Variants in NFIC observed in about 807,000 individuals in gnomAD.
NFIC encodes nuclear factor I C, also known as nuclear factor 1 C-type.
A neutral mutation model predicts 54.4 loss-of-function variants in NFIC; 12 were observed. The ratio of observed to expected loss-of-function variants is 0.22; its 90% confidence interval spans 0.14 to 0.36. NFIC has a LOEUF of 0.36. Among genes scored for constraint, NFIC ranks in the 10% least tolerant of loss-of-function variants. The probability of loss-of-function intolerance (pLI) is 1.00; values close to 1 mark genes in which losing one functional copy is unlikely to be tolerated. For missense variants in NFIC, 575 were observed against 718.2 expected (o/e 0.80, Z 2.28); for synonymous variants, 322 against 319.2 (o/e 1.01, Z -0.09).
rs180737246 is a variant in NFIC at position 3,417,245 on chromosome 19, C to T, written c.563-7861C>T. On this transcript the variant is annotated intron_variant, in intron 2 of 10. Transcript: ENST00000443272. Reference sequence around the variant, plus strand: ...TCACTTGAGCCCAGGAGTTAGAGACCGGCCTGGGCAATATAGTGAGACCCC... The same window carrying T: ...TCACTTGAGCCCAGGAGTTAGAGACTGGCCTGGGCAATATAGTGAGACCCC... Among the ~76,000 whole-genome samples, 274 of 152,182 alleles carry T rather than the reference C, an allele frequency of 1.8e-3. 2 individuals are homozygous for T. Among genetic ancestry groups the T allele is most frequent in the African/African-American group, 6.3e-3 (260 of 41,550 alleles).
chr19:3,437,003 G>A (rs867621964), intron 6 of NFIC, among the ~76,000 whole-genome samples: 3 of 152,110 alleles, frequency 2.0e-5, no homozygotes, highest in Non-Finnish European at 2.9e-5. Context: ...TAGGATGTGC[G>A]TGAAGCAACC....
rs1306168739 is a variant in NFIC at position 3,425,102 on chromosome 19, G to C, written c.563-4G>C. 2 of 1,613,308 alleles carry C rather than the reference G, an allele frequency of 1.2e-6. No individual in the cohort carries two copies. The highest frequency in any genetic ancestry group is 3.3e-5 in the Admixed American group (2 of 60,000). ...CCACCAGTGTTTCTTCCCTCTCTTT[G>C]CAGATGCAGAGCAAAGCGGCAGTCC... On this transcript the variant is annotated splice_region_variant and splice_polypyrimidine_tract_variant and intron_variant, in intron 2 of 10. Transcript: ENST00000443272.
intron 1 of NFIC, among the ~76,000 whole-genome samples, chr19:3,379,214 C>T (rs1305009403): frequency 2.0e-5 from 3 of 151,934 alleles, no homozygotes; most frequent in Admixed American, 6.6e-5. Context: ...CATGCGCCAC[C>T]ACGCCTGGCT....
intron 2 of NFIC, among the ~76,000 whole-genome samples, chr19:3,387,421 G>T (rs1344461706): frequency 6.6e-6 from 1 of 152,260 alleles, no homozygotes; most frequent in South Asian, 2.1e-4. Flanking sequence ...AGAATCGCTG[G>T]AACCCGGGAG....
upstream of NFIC, among the ~76,000 whole-genome samples, chr19:3,364,400 G>A (rs989886220): frequency 1.2e-4 from 19 of 152,204 alleles, no homozygotes; most frequent in Non-Finnish European, 1.5e-5. Flanking sequence ...GAGAGACGAA[G>A]CTGCTGACTG....
At chr19:3,404,281 AC>A (rs2081606889) in intron 2 of NFIC, among the ~76,000 whole-genome samples, 11 of 150,180 alleles carry the variant, frequency 7.3e-5, no homozygotes, top group Admixed American at 7.3e-4. Context: ...ACTCCCCCCC[AC>A]CCCGGGTGGC....
At chr19:3,385,994 C>T (rs1016316017) in intron 2 of NFIC, among the ~76,000 whole-genome samples, 7 of 151,860 alleles carry the variant, frequency 4.6e-5, no homozygotes, top group Admixed American at 1.3e-4. Flanking sequence ...GGCGTGACCC[C>T]CTGCGCCCGG....
chr19:3,372,714 G>C (rs1364092217), intron 1 of NFIC, among the ~76,000 whole-genome samples: 1 of 150,850 alleles, frequency 6.6e-6, no homozygotes, highest in Non-Finnish European at 1.5e-5. Context: ...GAGTGGGGTG[G>C]GGGGGTGCCA....
At chr19:3,430,666 G>T (rs944125722) in intron 3 of NFIC, among the ~76,000 whole-genome samples, 1 of 151,974 alleles carries the variant, frequency 6.6e-6, no homozygotes, top group African/African-American at 2.4e-5. Flanking sequence ...CAGTGAAATG[G>T]CTCATGCCTG....
chr19:3,394,495 G>A (rs959844693), intron 2 of NFIC, among the ~76,000 whole-genome samples: 5 of 127,576 alleles, frequency 3.9e-5, no homozygotes, highest in Admixed American at 1.7e-4. Flanking sequence ...AAAAGTTATC[G>A]AGGTATTTTA....
chr19:3,392,609 G>C (rs887100604), intron 2 of NFIC, among the ~76,000 whole-genome samples: 10 of 152,230 alleles, frequency 6.6e-5, no homozygotes, highest in African/African-American at 2.2e-4. Flanking sequence ...GAGGCGCCTT[G>C]TTGCACCTGT....
intron 3 of NFIC, among the ~76,000 whole-genome samples, chr19:3,426,489 C>A (rs1435298920): frequency 6.6e-6 from 1 of 152,158 alleles, no homozygotes; most frequent in East Asian, 1.9e-4. Flanking sequence ...ATCCTAGCCC[C>A]CAGCTCCTGC....
chr19:3,456,878 G>C, intron 10 of NFIC: 2 of 564,042 alleles, frequency 3.5e-6, no homozygotes, highest in Non-Finnish European at 6.4e-6. Flanking sequence ...GGGTCCCCAG[G>C]AGCGTCTCTG....
intron 2 of NFIC, among the ~76,000 whole-genome samples, chr19:3,396,124 C>G (rs142039341): frequency 6.6e-6 from 1 of 152,118 alleles, no homozygotes; most frequent in Admixed American, 6.6e-5. Flanking sequence ...GTGGTGACCC[C>G]CAGTTACTGT....
rs2082488961 is a variant in NFIC at position 3,452,819 on chromosome 19, G to A, written c.1269+153G>A. Among the ~76,000 whole-genome samples the A allele has an allele frequency of 6.6e-6, 1 of 152,238 alleles. No homozygotes were observed. Among genetic ancestry groups the A allele is most frequent in the Non-Finnish European group, 1.5e-5 (1 of 68,048 alleles). On this transcript the variant is annotated intron_variant, in intron 8 of 10. Coordinates refer to ENST00000443272, the MANE Select transcript of NFIC (RefSeq NM_001245002.2). The surrounding 1 kb of genome is among the most constrained non-coding windows in gnomAD (Gnocchi z 5.3). Reference sequence around the variant, plus strand: ...CCTCTGTCGTGCTGGGAGGCAGCTGGATTGGGTCAGAATTGAGATGCTTTC... The same window carrying A: ...CCTCTGTCGTGCTGGGAGGCAGCTGAATTGGGTCAGAATTGAGATGCTTTC...
intron 2 of NFIC, among the ~76,000 whole-genome samples, chr19:3,402,456 T>A (rs2081573843): frequency 6.6e-6 from 1 of 152,162 alleles, no homozygotes; most frequent in African/African-American, 2.4e-5. Flanking sequence ...TTTCTACAAA[T>A]ATTTATTGAG....
At chr19:3,428,044 C>G (rs1415506205) in intron 3 of NFIC, among the ~76,000 whole-genome samples, 3 of 151,680 alleles carry the variant, frequency 2.0e-5, no homozygotes, top group Admixed American at 1.3e-4. Flanking sequence ...GAGGCACATG[C>G]CTGTAATCCC....
upstream of NFIC, among the ~76,000 whole-genome samples, chr19:3,365,399 C>G (rs2145417215): frequency 6.6e-6 from 1 of 152,302 alleles, no homozygotes; most frequent in South Asian, 2.1e-4. Flanking sequence ...CTTTAAGCCA[C>G]TTTATAGGGG....
intron 1 of NFIC, among the ~76,000 whole-genome samples, chr19:3,377,026 G>C (rs978177303): frequency 1.3e-5 from 2 of 150,268 alleles, no homozygotes; most frequent in Non-Finnish European, 3.0e-5. Flanking sequence ...CACCACACCA[G>C]GCTGAGACCC....
Sources: allele counts gnomAD v4.1 joint callset (sites outside exome capture counted in the v4.1 genomes callset), GRCh38; gene constraint gnomAD v4.1.1; non-coding constraint Gnocchi (gnomAD v3.1); transcripts MANE v1.5; gene names NCBI Gene and HGNC (gene_info 2026-07-23, HGNC 2026-07-21).